Variants in ADCY7 observed in about 807,000 individuals in gnomAD.
The protein encoded by ADCY7 is adenylate cyclase type 7.
In ADCY7, 72 loss-of-function variants were observed where a neutral mutation model predicts 120.6. The observed-to-expected ratio is 0.60, with a 90% CI of 0.49 to 0.73. ADCY7 has a LOEUF of 0.73. Among genes scored for constraint, ADCY7 ranks in the 30% least tolerant of loss-of-function variants. The probability of loss-of-function intolerance (pLI) is 0.00; values close to 1 mark genes in which losing one functional copy is unlikely to be tolerated. For synonymous variants in ADCY7, 661 were observed against 628.0 expected, an observed-to-expected ratio of 1.05 and a Z score of -0.78; for missense variants, 1,227 against 1,486.0, an observed-to-expected ratio of 0.83 and a Z score of 2.87.
chr16:50,265,552 GCTGCCCTCCCATCT>G (rs1309094486), upstream of ADCY7, among the ~76,000 whole-genome samples: 3 of 152,196 alleles, frequency 2.0e-5, no homozygotes, highest in Non-Finnish European at 4.4e-5. Flanking sequence ...TGATATTACA[GCTGCCCTCCCATCT>G]CTGCCCTCCT....
rs767696450 is a variant in ADCY7, at chr16:50,308,686, G to A, written c.1955G>A (p.Gly652Glu). Residue 652 changes from glycine (G) to glutamate (E), a missense_variant, in exon 17 of 26, where the codon GGG becomes GAG. Gly to Glu is a moderately conservative substitution (Grantham distance 98). Transcript: ENST00000673801. The part of the protein sequence containing the change: ...TKFSRCCPAR[G>E]TLCTISERVE... ...CCACAGAGGTGCTGCCCAGCTCGGGGGACGCTCTGCACTATCTCTGAGAGG... is the reference window on the plus strand; with the variant it reads ...CCACAGAGGTGCTGCCCAGCTCGGGAGACGCTCTGCACTATCTCTGAGAGG... The A allele has an allele frequency of 5.0e-6, 8 of 1,613,294 alleles. No homozygotes were observed. In the South Asian group the frequency reaches 6.6e-5, roughly 13 times the overall value.
intron 15 of ADCY7, 85 bp from the exon 16 acceptor site, chr16:50,308,242 G>A (rs2036209184): frequency 1.9e-6 from 3 of 1,609,648 alleles, no homozygotes; most frequent in East Asian, 2.2e-5. Flanking sequence ...GTGGGGACAG[G>A]TGGCTGTGAG....
upstream of ADCY7, among the ~76,000 whole-genome samples, chr16:50,262,959 A>G (rs1268297666): frequency 6.6e-6 from 1 of 152,184 alleles, no homozygotes; most frequent in Non-Finnish European, 1.5e-5. Flanking sequence ...GAGGGTACTC[A>G]CCATGCTCAT....
chr16:50,312,760 C>T, intron 21 of ADCY7, 130 bp from the exon 22 acceptor site: 2 of 640,964 alleles, frequency 3.1e-6, no homozygotes, highest in East Asian at 9.4e-5. Context: ...CTCATGCAGC[C>T]CGCCCCCCTC....
intron 8 of ADCY7, among the ~76,000 whole-genome samples, chr16:50,300,173 C>T (rs375201492): frequency 1.5e-4 from 23 of 152,160 alleles, no homozygotes; most frequent in African/African-American, 2.4e-4. Flanking sequence ...TGGGTTCAAG[C>T]GATTCTCCTG....
At chr16:50,310,652 G>A (rs1355583275) in intron 18 of ADCY7, 35 bp from the exon 19 acceptor site, 1 of 1,608,818 alleles carries the variant, frequency 6.2e-7, no homozygotes, top group Non-Finnish European at 8.5e-7. Flanking sequence ...ACGTGGTGGG[G>A]TGGCCCTGTC....
upstream of ADCY7, among the ~76,000 whole-genome samples, chr16:50,265,102 G>A (rs565320289): frequency 3.3e-5 from 5 of 152,294 alleles, 1 homozygote; most frequent in South Asian, 1.0e-3. Context: ...CTCCCAAAGT[G>A]CTGGGATTAC....
chr16:50,247,437 C>A (rs373670900), intron 1 of ADCY7, among the ~76,000 whole-genome samples: 2 of 152,034 alleles, frequency 1.3e-5, no homozygotes, highest in Non-Finnish European at 2.9e-5. Context: ...TCATGGCTTA[C>A]GGCAACCTCC....
In ADCY7 at chr16:50,298,974, T is replaced by A; in HGVS notation, c.1019T>A (p.Leu340Gln). 6.2e-7 allele frequency: 1 copy of A among 1,613,658 alleles called. No individual in the cohort carries two copies. The highest frequency in any genetic ancestry group is 8.5e-7 in the Non-Finnish European group (1 of 1,180,014). ...YYCVSGLPVS[L>Q]PTHARNCVKM... is the part of the protein sequence containing the mutation. ...TGTGTATCGGGCCTGCCCGTGTCGCTGCCTACCCACGCCCGGAACTGCGTG... is the reference window on the plus strand; with the variant it reads ...TGTGTATCGGGCCTGCCCGTGTCGCAGCCTACCCACGCCCGGAACTGCGTG... Residue 340 changes from leucine (L) to glutamine (Q), a missense_variant, in exon 8 of 26, where the codon CTG (leucine) becomes CAG (glutamine). Leu to Gln is a moderately radical substitution (Grantham distance 113). Around this residue, in one of 5 missense-constraint regions of ADCY7, gnomAD observed 332 missense variants for 455.8 expected, o/e 0.73. Coordinates refer to ENST00000673801, the MANE Select transcript of ADCY7 (RefSeq NM_001114.5).
At chr16:50,282,134 G>T (rs78687036) in intron 1 of ADCY7, among the ~76,000 whole-genome samples, 1 of 152,364 alleles carries the variant, frequency 6.6e-6, no homozygotes, top group African/African-American at 2.4e-5. Context: ...CCCTGAGCCT[G>T]CTGAGGCTCG....
intron 1 of ADCY7, among the ~76,000 whole-genome samples, chr16:50,280,555 C>T (rs757560019): frequency 1.3e-5 from 2 of 152,102 alleles, no homozygotes; most frequent in Non-Finnish European, 2.9e-5. Context: ...TGAGATCTTT[C>T]TAAGTTTTTG....
chr16:50,261,278 A>G (rs2033050523), intron 1 of ADCY7, among the ~76,000 whole-genome samples: 1 of 152,158 alleles, frequency 6.6e-6, no homozygotes, highest in Non-Finnish European at 1.5e-5. Context: ...GCACTGGGGA[A>G]GGCTTCCTGG....
Position 50,293,467 on chromosome 16 carries a change from C to T in ADCY7, c.801C>T (p.Phe267=). The T allele has an allele frequency of 6.2e-7, 1 of 1,614,026 alleles. No homozygotes were observed. Among genetic ancestry groups the T allele is most frequent in the Non-Finnish European group, 8.5e-7 (1 of 1,180,022 alleles). Residue 267 remains phenylalanine, a synonymous_variant, in exon 6 of 26, where the codon TTC becomes TTT. Coordinates refer to ENST00000673801, the MANE Select transcript of ADCY7 (RefSeq NM_001114.5). ...GTCGCTGCATGCCTGACAACAACTT[C>T]CACAGCCTCTACGTCAAGAGGCACC... ...GDRRCMPDNN[F]HSLYVKRHQN...
At position 50,253,813 on chromosome 16, in the gene ADCY7, G is replaced by A. The variant is rs112763033; in HGVS notation, c.-64+7610G>A. On this transcript the variant is annotated intron_variant, in intron 1 of 4. Coordinates refer to the ADCY7 transcript ENST00000564044. The stretch of plus-strand genomic sequence containing the variant: ...GGTTGAGGTGGGGGTGGAGGCGGTG[G>A]TGTCTGCTGCTACATGCTGGTGGGG... Among the ~76,000 whole-genome samples the A allele has an allele frequency of 6.9e-3, 1,050 of 152,330 alleles. 14 individuals are homozygous for A. Among genetic ancestry groups the A allele is most frequent in the African/African-American group, 0.023 (961 of 41,562 alleles).
chr16:50,263,309 G>A (rs566781097), upstream of ADCY7, among the ~76,000 whole-genome samples: 13 of 152,242 alleles, frequency 8.5e-5, no homozygotes, highest in East Asian at 2.5e-3. Context: ...ACAGCGTGAG[G>A]GGTGGGGTGT....
intron 1 of ADCY7, among the ~76,000 whole-genome samples, chr16:50,271,197 C>A (rs1165371325): frequency 1.3e-5 from 2 of 152,184 alleles, no homozygotes; most frequent in East Asian, 3.9e-4. Context: ...CTTTGGTGGC[C>A]TTTTTCCTTG....
At chr16:50,313,060 C>A (rs140921032) in intron 22 of ADCY7, 24 bp downstream of exon 22, 4 of 1,612,782 alleles carry the variant, frequency 2.5e-6, no homozygotes, top group Non-Finnish European at 3.4e-6. Flanking sequence ...CCCAGCCTTG[C>A]GCAGCAGCCC....
At chr16:50,273,305 C>T (rs892854696) in intron 1 of ADCY7, among the ~76,000 whole-genome samples, 7 of 152,244 alleles carry the variant, frequency 4.6e-5, no homozygotes, top group Non-Finnish European at 1.0e-4. Flanking sequence ...CTGAGATTCA[C>T]GGCCTGCTGT....
chr16:50,284,239 C>T (rs1036758276), intron 1 of ADCY7, among the ~76,000 whole-genome samples: 29 of 152,144 alleles, frequency 1.9e-4, no homozygotes, highest in African/African-American at 3.1e-4. Flanking sequence ...TCACGGTGCC[C>T]GGCTTGTTCC....
Sources: allele counts gnomAD v4.1 joint callset (sites outside exome capture counted in the v4.1 genomes callset), GRCh38; gene constraint gnomAD v4.1.1; regional missense constraint gnomAD v4.1.1; transcripts MANE v1.5; gene names NCBI Gene and HGNC (gene_info 2026-07-23, HGNC 2026-07-21).